The following KCNMA1 variants were observed in gnomAD, a reference collection of about 807,000 sequenced individuals.
The protein encoded by KCNMA1 is potassium calcium-activated channel subfamily M alpha 1.
A neutral mutation model predicts 140.0 loss-of-function variants in KCNMA1; 29 were observed. The ratio of observed to expected loss-of-function variants is 0.21; its 90% CI spans 0.15 to 0.28. KCNMA1 has a LOEUF of 0.28. Among genes scored for constraint, KCNMA1 ranks in the 10% least tolerant of loss-of-function variants. The pLI, the probability that KCNMA1 is intolerant of heterozygous loss-of-function variation, is 1.00. For missense variants in KCNMA1, 880 were observed against 1,602.2 expected, an observed-to-expected ratio of 0.55 and a Z score of 7.70; for synonymous variants, 612 against 611.9, an observed-to-expected ratio of 1.00 and a Z score of 0.00.
chr10:77,012,639 T>C, intron 17 of KCNMA1: 1 of 1,160,398 alleles, frequency 8.6e-7, no homozygotes, highest in Non-Finnish European at 1.3e-6. Flanking sequence ...CTTATTTTAC[T>C]CCAAAGCTGA....
At chr10:77,277,584 C>A (rs146679445) in intron 2 of KCNMA1, among the ~76,000 whole-genome samples, 7 of 152,290 alleles carry the variant, frequency 4.6e-5, no homozygotes, top group South Asian at 2.1e-4. Context: ...ACATGAATGA[C>A]CTCCTCACTG....
chr10:77,596,782 C>T (rs2081072236), intron 1 of KCNMA1, among the ~76,000 whole-genome samples: 1 of 152,188 alleles, frequency 6.6e-6, no homozygotes, highest in African/African-American at 2.4e-5. Flanking sequence ...ATTTTGACGT[C>T]ACAGCCATCA....
At chr10:77,540,766 C>T (rs1454576045) in intron 1 of KCNMA1, among the ~76,000 whole-genome samples, 5 of 151,966 alleles carry the variant, frequency 3.3e-5, no homozygotes, top group East Asian at 1.9e-4. Context: ...TTCGGGAGGC[C>T]GAGGTGGGCT....
At chr10:77,611,158 C>A (rs2086717044) in intron 1 of KCNMA1, among the ~76,000 whole-genome samples, 1 of 152,236 alleles carries the variant, frequency 6.6e-6, no homozygotes, top group African/African-American at 2.4e-5. Context: ...CCATTCCTTG[C>A]AGACCTTGTT....
intron 19 of KCNMA1, chr10:76,974,569 C>T (rs1014058039): frequency 2.6e-6 from 4 of 1,543,064 alleles, no homozygotes; most frequent in Non-Finnish European, 2.6e-6. Flanking sequence ...TAGCTGCAAC[C>T]TTGACTGCCA....
intron 2 of KCNMA1, among the ~76,000 whole-genome samples, chr10:77,366,540 G>A (rs2094376706): frequency 1.3e-5 from 2 of 152,162 alleles, no homozygotes; most frequent in Non-Finnish European, 2.9e-5. Context: ...CACACAAATT[G>A]CAATAACATT....
At chr10:77,530,944 T>A (rs2057446634) in intron 1 of KCNMA1, among the ~76,000 whole-genome samples, 1 of 152,164 alleles carries the variant, frequency 6.6e-6, no homozygotes, top group African/African-American at 2.4e-5. Flanking sequence ...ACAACTATAA[T>A]AAGAAATTCG....
intron 5 of KCNMA1, among the ~76,000 whole-genome samples, chr10:77,164,931 T>C (rs1460854156): frequency 1.3e-5 from 2 of 152,058 alleles, no homozygotes; most frequent in Admixed American, 6.6e-5. Flanking sequence ...TTTTTTCCCA[T>C]CTAAAATATG....
intron 8 of KCNMA1, among the ~76,000 whole-genome samples, chr10:77,109,588 C>A (rs1438400289): frequency 6.6e-6 from 1 of 152,146 alleles, no homozygotes; most frequent in East Asian, 1.9e-4. Flanking sequence ...AAAAATACCC[C>A]ATGTGTCCGC....
In KCNMA1 at chr10:77,411,858, G is replaced by T. The variant is rs144366000; in HGVS notation, c.379-7835C>A. ...GAGTATCACATTGGAAATGAGCGTG[G>T]CCAAGCTGACGGGCTGTGAAGCCCT... On this transcript the variant is annotated intron_variant, in intron 1 of 27. Transcript: ENST00000286628. 9.8e-4 allele frequency among the ~76,000 whole-genome samples: 149 copies of T among 152,306 alleles called. 1 individual carries two copies. Among genetic ancestry groups the T allele is most frequent in the African/African-American group, 3.4e-3 (142 of 41,574 alleles).
intron 19 of KCNMA1, among the ~76,000 whole-genome samples, chr10:76,990,789 T>C (rs1029324268): frequency 6.6e-6 from 1 of 152,180 alleles, no homozygotes; most frequent in Non-Finnish European, 1.5e-5. Context: ...ACTGAAGAAA[T>C]GGCCAGATCA....
At chr10:77,166,645 G>C (rs1014885708) in intron 5 of KCNMA1, among the ~76,000 whole-genome samples, 6 of 151,938 alleles carry the variant, frequency 3.9e-5, no homozygotes, top group South Asian at 4.2e-4. Context: ...AGAGGGAGAG[G>C]AGAAGGAGGA....
intron 1 of KCNMA1, among the ~76,000 whole-genome samples, chr10:77,503,527 C>G (rs1183492991): frequency 6.6e-6 from 1 of 152,112 alleles, no homozygotes; most frequent in Admixed American, 6.6e-5. Context: ...TTTCAAAAAG[C>G]CGGGTGGCTT....
At chr10:77,599,704 G>A (rs1316892575) in intron 1 of KCNMA1, among the ~76,000 whole-genome samples, 1 of 152,178 alleles carries the variant, frequency 6.6e-6, no homozygotes, top group Non-Finnish European at 1.5e-5. Flanking sequence ...CAATTAGAGA[G>A]ATCATTACAT....
chr10:76,907,265 CT>C (rs2048178987), intron 25 of KCNMA1, among the ~76,000 whole-genome samples: 1 of 152,172 alleles, frequency 6.6e-6, no homozygotes, highest in African/African-American at 2.4e-5. Flanking sequence ...TGAGAGATGG[CT>C]TGTTTAAAAA....
chr10:77,002,658 T>C (rs74140240), intron 18 of KCNMA1, among the ~76,000 whole-genome samples: 2,009 of 152,316 alleles, frequency 0.013, 46 homozygotes, highest in African/African-American at 0.046. Context: ...CCTATAAAAG[T>C]TGTTGGAAGT....
intron 2 of KCNMA1, among the ~76,000 whole-genome samples, chr10:77,384,105 G>A (rs61856081): frequency 5.3e-5 from 8 of 152,166 alleles, no homozygotes; most frequent in South Asian, 4.1e-4. Flanking sequence ...TCTAACCCCC[G>A]CGGAGATCAC....
intron 1 of KCNMA1, among the ~76,000 whole-genome samples, chr10:77,601,508 T>C (rs1362460124): frequency 6.6e-6 from 1 of 152,220 alleles, no homozygotes; most frequent in African/African-American, 2.4e-5. Context: ...GACCATGTGA[T>C]GACCTTTATA....
chr10:77,271,236 TGAA>T (rs2065040411), intron 2 of KCNMA1, among the ~76,000 whole-genome samples: 1 of 152,232 alleles, frequency 6.6e-6, no homozygotes, highest in South Asian at 2.1e-4. Flanking sequence ...CTGGCTACAC[TGAA>T]GTGCCCAATG....
Sources: allele counts gnomAD v4.1 joint callset (sites outside exome capture counted in the v4.1 genomes callset), GRCh38; gene constraint gnomAD v4.1.1; transcripts MANE v1.5; gene names NCBI Gene and HGNC (gene_info 2026-07-23, HGNC 2026-07-21).